The following RANBP2 variants were observed in gnomAD, a reference collection of about 807,000 sequenced individuals.
The protein encoded by RANBP2 is RAN binding protein 2, also known as E3 SUMO-protein ligase RanBP2.
RANBP2 carries 57 observed loss-of-function variants against 303.6 expected under a neutral mutation model. That is an observed-to-expected ratio of 0.19 (90% CI 0.15 to 0.23). The LOEUF (loss-of-function observed/expected upper bound fraction) is 0.23, where lower values mean the gene tolerates loss of function less well. Ranked by LOEUF, RANBP2 falls within the 10% of genes least tolerant of loss-of-function variation. The pLI is 1.00. For missense variants in RANBP2, 3,138 were observed against 3,780.8 expected, an observed-to-expected ratio of 0.83 and a Z score of 4.46; for synonymous variants, 1,167 against 1,301.5, an observed-to-expected ratio of 0.90 and a Z score of 2.23.
At chr2:109,054,294 T>C in the RANBP2 span, among the ~76,000 whole-genome samples, 41 of 152,250 alleles carry the variant, frequency 2.7e-4, no homozygotes, top group Admixed American at 2.0e-3. Flanking sequence ...GAGGTGCCCA[T>C]CCCTGCTCTC....
the RANBP2 span, chr2:109,490,586 A>G: frequency 1.4e-6 from 2 of 1,413,998 alleles, no homozygotes; most frequent in Non-Finnish European, 1.8e-6. Context: ...TTTGGTTTCC[A>G]TCTTGTGTGT....
At chr2:109,263,388 AT>A in the RANBP2 span, among the ~76,000 whole-genome samples, 1 of 152,098 alleles carries the variant, frequency 6.6e-6, no homozygotes, top group Non-Finnish European at 1.5e-5. Context: ...TTTTGTCTTT[AT>A]TTTTTATAGG....
At chr2:109,701,601 A>G in the RANBP2 span, among the ~76,000 whole-genome samples, 12 of 152,304 alleles carry the variant, frequency 7.9e-5, no homozygotes, top group East Asian at 2.3e-3. Context: ...ACAATAGGGC[A>G]GAAGAAGCAA....
the RANBP2 span, among the ~76,000 whole-genome samples, chr2:109,168,748 G>A: frequency 1.3e-5 from 2 of 152,088 alleles, no homozygotes; most frequent in Admixed American, 6.6e-5. Context: ...CAGCACTGTT[G>A]GCCCTTCTCA....
At chr2:109,642,174 C>T in the RANBP2 span, among the ~76,000 whole-genome samples, 1 of 152,136 alleles carries the variant, frequency 6.6e-6, no homozygotes, top group Non-Finnish European at 1.5e-5. Flanking sequence ...TATCCACCTG[C>T]CTTGGCCTCC....
At chr2:109,575,592 T>C in the RANBP2 span, among the ~76,000 whole-genome samples, 1 of 152,222 alleles carries the variant, frequency 6.6e-6, no homozygotes, top group East Asian at 1.9e-4. Context: ...GTTCCAAGAA[T>C]GGTGTGTGAG....
At chr2:109,477,244 C>T in the RANBP2 span, among the ~76,000 whole-genome samples, 2 of 152,200 alleles carry the variant, frequency 1.3e-5, no homozygotes, top group East Asian at 3.9e-4. Flanking sequence ...TGGTGACTGT[C>T]AGGAACTGGC....
At chr2:109,106,306 C>T in the RANBP2 span, among the ~76,000 whole-genome samples, 1 of 152,158 alleles carries the variant, frequency 6.6e-6, no homozygotes, top group East Asian at 1.9e-4. Context: ...TTTGCCACTA[C>T]CAACACTACT....
At chr2:109,653,882 T>C in the RANBP2 span, among the ~76,000 whole-genome samples, 1 of 152,092 alleles carries the variant, frequency 6.6e-6, no homozygotes, top group Non-Finnish European at 1.5e-5. Context: ...ATCTTATTGG[T>C]AAATGTAGTC....
At chr2:108,795,967 T>C in the RANBP2 span, among the ~76,000 whole-genome samples, 1 of 152,202 alleles carries the variant, frequency 6.6e-6, no homozygotes, top group African/African-American at 2.4e-5. Flanking sequence ...TATCTATCAT[T>C]TGTAGCAAAC....
the RANBP2 span, among the ~76,000 whole-genome samples, chr2:108,845,072 T>G: frequency 6.6e-6 from 1 of 152,098 alleles, no homozygotes; most frequent in South Asian, 2.1e-4. Context: ...GTTTATTTTT[T>G]CATTATAAAA....
chr2:109,620,776 T>C, the RANBP2 span, among the ~76,000 whole-genome samples: 2 of 152,248 alleles, frequency 1.3e-5, no homozygotes, highest in African/African-American at 4.8e-5. Context: ...ATTATTCTAA[T>C]TGGCCTTAAA....
At chr2:108,797,707 A>G in the RANBP2 span, among the ~76,000 whole-genome samples, 3 of 152,284 alleles carry the variant, frequency 2.0e-5, no homozygotes, top group East Asian at 5.8e-4. Flanking sequence ...TTTATGAGAA[A>G]GAGATTGATG....
the RANBP2 span, among the ~76,000 whole-genome samples, chr2:109,725,138 C>G: frequency 1.3e-5 from 2 of 152,186 alleles, no homozygotes; most frequent in Admixed American, 1.3e-4. Flanking sequence ...GACCAAAGCC[C>G]CTGCTCCCCT....
At chr2:109,055,635 C>T in the RANBP2 span, among the ~76,000 whole-genome samples, 9 of 151,984 alleles carry the variant, frequency 5.9e-5, no homozygotes, top group Admixed American at 2.0e-4. Flanking sequence ...CCATCTGCCT[C>T]GACCTCCCAA....
At chr2:109,287,133 G>A in the RANBP2 span, among the ~76,000 whole-genome samples, 2 of 152,140 alleles carry the variant, frequency 1.3e-5, no homozygotes, top group East Asian at 1.9e-4. Flanking sequence ...GGCCTCATGG[G>A]GGGTTGTCCA....
At chr2:109,195,002 A>G in the RANBP2 span, among the ~76,000 whole-genome samples, 1 of 152,172 alleles carries the variant, frequency 6.6e-6, no homozygotes. Flanking sequence ...TTGAGAACAC[A>G]CAGCTTTTTA....
the RANBP2 span, among the ~76,000 whole-genome samples, chr2:109,015,573 C>T: frequency 6.6e-6 from 1 of 152,010 alleles, no homozygotes; most frequent in Non-Finnish European, 1.5e-5. Flanking sequence ...GCCTGGCCAA[C>T]TTGGTGAAAC....
the RANBP2 span, among the ~76,000 whole-genome samples, chr2:109,542,099 A>C: frequency 6.6e-6 from 1 of 152,182 alleles, no homozygotes; most frequent in East Asian, 1.9e-4. Context: ...TAATGGGAAA[A>C]ATTTTTAACA....
Sources: gnomAD v4.1 joint callset for allele counts (sites outside exome capture counted in the v4.1 genomes callset) on GRCh38, gnomAD v4.1.1 for gene constraint, MANE v1.5 for transcripts, NCBI Gene and HGNC (gene_info 2026-07-23, HGNC 2026-07-21) for gene names.